Variants in MVP observed in about 807,000 individuals in gnomAD.
The protein encoded by MVP is major vault protein, also known as lung resistance-related protein.
In MVP, 62 loss-of-function variants were observed where a neutral mutation model predicts 83.5. The observed-to-expected ratio is 0.74, with a 90% CI of 0.61 to 0.92. The LOEUF is 0.92. Among genes scored for constraint, MVP ranks in the 40% least tolerant of loss-of-function variants. The probability of loss-of-function intolerance (pLI) is 0.00; values close to 1 mark genes in which losing one functional copy is unlikely to be tolerated. For missense variants in MVP, 1,000 were observed against 1,203.4 expected (o/e 0.83, Z 2.50); for synonymous variants, 505 against 504.1 (o/e 1.00, Z -0.02).
Position 29,840,492 on chromosome 16 carries a change from C to T in MVP, c.1191+33C>T, listed in dbSNP as rs560567459. 92 of 1,541,298 alleles carry T rather than the reference C, an allele frequency of 6.0e-5. No individual in the cohort carries two copies. The East Asian group carries it at 1.6e-3, about 27-fold the overall frequency. On this transcript the variant is annotated intron_variant, in intron 8 of 14. Transcript: ENST00000357402. ...CTGGGAGTGAGCAGCAGTGCTGCCACGTGGCCTTGGCCTTGGTGGCGGCTT... is the reference window on the plus strand; with the variant it reads ...CTGGGAGTGAGCAGCAGTGCTGCCATGTGGCCTTGGCCTTGGTGGCGGCTT...
intron 7 of MVP, 59 bp downstream of exon 7, chr16:29,837,017 A>G: frequency 6.7e-7 from 1 of 1,484,412 alleles, no homozygotes; most frequent in South Asian, 1.3e-5. Context: ...CTCTAGTGGC[A>G]TGAGGCCCTC....
chr16:29,830,792 T>C, intron 2 of MVP, 86 bp from the exon 3 acceptor site: 1 of 1,566,024 alleles, frequency 6.4e-7, no homozygotes, highest in African/African-American at 1.4e-5. Context: ...GCTTGGGCGA[T>C]AGAGAGGTTT....
chr16:29,826,758 T>TA lies in MVP; in HGVS notation c.-35-3747dup, dbSNP rs1037537352. 6.1e-4 allele frequency among the ~76,000 whole-genome samples: 89 copies of TA among 146,154 alleles called. 2 individuals are homozygous for TA. Among genetic ancestry groups the TA allele is most frequent in the Middle Eastern group, 3.2e-3 (1 of 308 alleles). On this transcript the variant is annotated intron_variant, in intron 1 of 14. Transcript: ENST00000357402. ...CAACATGGTGAAACCCCGTCTCTAC[T>TA]AAAAAAAAAATACAAAAAGTTAGCT...
intron 11 of MVP, among the ~76,000 whole-genome samples, chr16:29,845,214 A>AT (rs1267948377): frequency 6.6e-6 from 1 of 151,294 alleles, no homozygotes; most frequent in Non-Finnish European, 1.5e-5. Flanking sequence ...AAAAAAAAAA[A>AT]AGCACGTATC....
At chr16:29,843,961 C>T (rs1461160985) in intron 10 of MVP, among the ~76,000 whole-genome samples, 1 of 152,232 alleles carries the variant, frequency 6.6e-6, no homozygotes, top group Non-Finnish European at 1.5e-5. Context: ...AGCCAGTGCC[C>T]TGATGGCGGC....
intron 10 of MVP, among the ~76,000 whole-genome samples, chr16:29,843,550 G>GAGGGAGGGAGGA (rs2067553319): frequency 2.6e-5 from 1 of 37,748 alleles, no homozygotes; most frequent in Admixed American, 2.2e-4. Flanking sequence ...GGGAGGAAGG[G>GAGGGAGGGAGGA]AGGGAGGGAG....
At chr16:29,823,742 C>A (rs1230408325) in intron 1 of MVP, among the ~76,000 whole-genome samples, 1 of 151,474 alleles carries the variant, frequency 6.6e-6, no homozygotes, top group Non-Finnish European at 1.5e-5. Flanking sequence ...GTAATCCCAG[C>A]TGAGGCAGGA....
intron 10 of MVP, among the ~76,000 whole-genome samples, chr16:29,842,556 C>T (rs865867767): frequency 2.0e-5 from 3 of 152,134 alleles, no homozygotes; most frequent in Non-Finnish European, 2.9e-5. Context: ...CCGCCTGCCT[C>T]GGCTTCCCAA....
intron 1 of MVP, among the ~76,000 whole-genome samples, chr16:29,823,566 G>C (rs550571317): frequency 6.6e-6 from 1 of 152,104 alleles, no homozygotes; most frequent in African/African-American, 2.4e-5. Flanking sequence ...TATATTAAGA[G>C]TCAGAGGCCA....
intron 7 of MVP, among the ~76,000 whole-genome samples, chr16:29,839,136 C>T (rs1445780337): frequency 2.0e-5 from 3 of 151,946 alleles, no homozygotes; most frequent in East Asian, 1.9e-4. Context: ...TGCAGTGAGC[C>T]GAGATCCCAC....
intron 1 of MVP, among the ~76,000 whole-genome samples, chr16:29,826,556 G>T (rs76551937): frequency 0.029 from 4,333 of 147,008 alleles, 206 homozygotes; most frequent in African/African-American, 0.1. Context: ...GAGCTGAGGA[G>T]TTCAAGGCTA....
intron 7 of MVP, among the ~76,000 whole-genome samples, chr16:29,839,783 CAAAA>C (rs71373206): frequency 2.5e-4 from 12 of 47,370 alleles, no homozygotes; most frequent in Admixed American, 9.8e-4. Flanking sequence ...AAGACTATCT[CAAAA>C]AAAAAAAAAA....
rs755853528 is a variant in MVP, at chr16:29,847,801, A to G, written c.2494A>G (p.Ile832Val). ...LQSLGLKSTL[I>V]TDGSTPINLF... ...GTCCCTGGGCCTGAAATCAACCCTC[A>G]TCACCGATGGCTCCACTCCCATCAA... Residue 832 changes from isoleucine to valine, a missense_variant, in exon 15 of 15, where the codon ATC (isoleucine) becomes GTC (valine). Transcript: ENST00000357402. The G allele has an allele frequency of 1.2e-6, 2 of 1,614,156 alleles. No individual in the cohort carries two copies. Among genetic ancestry groups the G allele is most frequent in the Non-Finnish European group, 1.7e-6 (2 of 1,179,996 alleles).
intron 6 of MVP, 87 bp from the exon 7 acceptor site, chr16:29,836,635 A>C: frequency 9.7e-7 from 1 of 1,036,142 alleles, no homozygotes; most frequent in South Asian, 1.6e-5. Flanking sequence ...ATCTGGGAGC[A>C]TTGGGAGCAT....
Position 29,826,368 on chromosome 16 carries a change from C to G in MVP, c.-35-4147C>G, listed in dbSNP as rs371348929. On this transcript the variant is annotated intron_variant, in intron 1 of 14. Transcript: ENST00000357402. Reference sequence around the variant, plus strand: ...GGCATCCTGGCTGGGTGCGGTGGCTCCACCTGTAGTCCCAGTGCTTTGGGA... The same window carrying G: ...GGCATCCTGGCTGGGTGCGGTGGCTGCACCTGTAGTCCCAGTGCTTTGGGA... Among the ~76,000 whole-genome samples, 71 of 152,290 alleles carry G rather than the reference C, an allele frequency of 4.7e-4. No homozygotes were observed. The South Asian group carries it at 0.015, about 32-fold the overall frequency.
At chr16:29,847,456 A>G (rs1567397546) in intron 14 of MVP, 71 bp downstream of exon 14, 2 of 1,416,356 alleles carry the variant, frequency 1.4e-6, no homozygotes, top group African/African-American at 1.4e-5. Flanking sequence ...CAAGGCGGAA[A>G]ACACAACATC....
intron 1 of MVP, among the ~76,000 whole-genome samples, chr16:29,827,730 A>G (rs1316557945): frequency 6.6e-6 from 1 of 152,164 alleles, no homozygotes; most frequent in Non-Finnish European, 1.5e-5. Context: ...CCTAGGCAAC[A>G]TAGCAGGACC....
rs137879733 is a variant in MVP, at chr16:29,837,467, G to A, written c.909+509G>A. 1.1e-4 allele frequency among the ~76,000 whole-genome samples: 16 copies of A among 152,246 alleles called. No individual in the cohort carries two copies. In the East Asian group the frequency reaches 2.5e-3, roughly 24 times the overall value. On this transcript the variant is annotated intron_variant, in intron 7 of 14. Transcript: ENST00000357402. Reference sequence around the variant, plus strand: ...GGTAAAAATACAATATAAAAGCTTCGTTATAGGCCAGCACAGTGGCTCATA... The same window carrying A: ...GGTAAAAATACAATATAAAAGCTTCATTATAGGCCAGCACAGTGGCTCATA...
intron 1 of MVP, among the ~76,000 whole-genome samples, chr16:29,823,715 C>T (rs1438576007): frequency 6.6e-6 from 1 of 151,744 alleles, no homozygotes; most frequent in Non-Finnish European, 1.5e-5. Flanking sequence ...ATTAGCTAGG[C>T]GTGGTGGTGG....
Sources: allele counts gnomAD v4.1 joint callset (sites outside exome capture counted in the v4.1 genomes callset), GRCh38; gene constraint gnomAD v4.1.1; transcripts MANE v1.5; gene names NCBI Gene and HGNC (gene_info 2026-07-23, HGNC 2026-07-21).